Variants in CAMTA1 observed in about 807,000 individuals in gnomAD.
The protein encoded by CAMTA1 is calmodulin binding transcription activator 1, also known as calmodulin-binding transcription activator 1.
CAMTA1 carries 27 observed loss-of-function variants against 170.9 expected under a neutral mutation model. The observed-to-expected ratio is 0.16, with a 90% CI of 0.12 to 0.22. The LOEUF is 0.22. CAMTA1 is among the 10% of genes least tolerant of loss of function. The probability of loss-of-function intolerance (pLI) is 1.00; values close to 1 mark genes in which losing one functional copy is unlikely to be tolerated. For synonymous variants in CAMTA1, 833 were observed against 891.5 expected, an observed-to-expected ratio of 0.93 and a Z score of 1.17; for missense variants, 1,619 against 2,217.2, an observed-to-expected ratio of 0.73 and a Z score of 5.42.
At chr1:6,879,832 GC>G (rs1244981239) in intron 3 of CAMTA1, among the ~76,000 whole-genome samples, 1 of 139,614 alleles carries the variant, frequency 7.2e-6, no homozygotes, top group Non-Finnish European at 1.5e-5. Context: ...AGTCTCTGTT[GC>G]CCAGGCTGAT....
At position 7,682,004 on chromosome 1, in the gene CAMTA1, G is replaced by A. The variant is rs1433875110; in HGVS notation, c.2914+4271G>A. Among the ~76,000 whole-genome samples, 1 of 131,338 alleles carries A rather than the reference G, an allele frequency of 7.6e-6. No individual in the cohort carries two copies. The highest frequency in any genetic ancestry group is 1.6e-5 in the Non-Finnish European group (1 of 62,908). 86.2% of individuals were successfully genotyped at this position (131,338 alleles called of 152,430 possible). A position where few individuals can be genotyped will look rare whatever the true frequency, so the allele number is the denominator to read the frequency against. ...TACCCTGTCCCCACCCCCACCTGCC[G>A]GCCCTTCTTGGAACCCCACTAAGCC... On this transcript the variant is annotated intron_variant, in intron 11 of 22. Coordinates refer to ENST00000303635, the MANE Select transcript of CAMTA1 (RefSeq NM_015215.4). The surrounding 1 kb of genome is among the most constrained non-coding windows in gnomAD (Gnocchi z 5.0).
chr1:7,343,269 T>C (rs536984730), intron 5 of CAMTA1, among the ~76,000 whole-genome samples: 1 of 152,288 alleles, frequency 6.6e-6, no homozygotes, highest in South Asian at 2.1e-4. Context: ...GTTGCCTTTA[T>C]GGTGTGAGTT....
At chr1:6,902,834 C>T (rs1478040571) in intron 3 of CAMTA1, among the ~76,000 whole-genome samples, 2 of 152,188 alleles carry the variant, frequency 1.3e-5, no homozygotes, top group Non-Finnish European at 2.9e-5. Context: ...GATTGTGGAA[C>T]AACTGCAACT....
chr1:7,459,431 C>G (rs1356770514), intron 5 of CAMTA1, among the ~76,000 whole-genome samples: 2 of 152,204 alleles, frequency 1.3e-5, no homozygotes, highest in East Asian at 3.9e-4. Context: ...CCTCCTGTGC[C>G]TTGCTGTACC....
intron 6 of CAMTA1, among the ~76,000 whole-genome samples, chr1:7,524,967 C>CTCAT (rs993610509): frequency 3.9e-5 from 6 of 152,292 alleles, no homozygotes; most frequent in Non-Finnish European, 7.4e-5. Context: ...CACATATCCA[C>CTCAT]TCATTCATTC....
chr1:7,398,448 G>T (rs1180104947), intron 5 of CAMTA1, among the ~76,000 whole-genome samples: 1 of 151,272 alleles, frequency 6.6e-6, no homozygotes, highest in African/African-American at 2.4e-5. Flanking sequence ...TTTTCCATCT[G>T]CATGGAATAT....
intron 6 of CAMTA1, among the ~76,000 whole-genome samples, chr1:7,563,930 C>T (rs550811304): frequency 1.3e-4 from 20 of 151,888 alleles, no homozygotes; most frequent in Non-Finnish European, 2.6e-4. Context: ...TGGGGGTAAG[C>T]GCTGCAGAGG....
intron 6 of CAMTA1, among the ~76,000 whole-genome samples, chr1:7,485,682 G>A (rs1423379577): frequency 2.6e-5 from 4 of 152,166 alleles, no homozygotes; most frequent in Non-Finnish European, 5.9e-5. Context: ...TCCCCACCAG[G>A]CGAGGCAGGA....
chr1:6,902,072 C>CACACACAA (rs3986505), intron 3 of CAMTA1, among the ~76,000 whole-genome samples: 232 of 88,410 alleles, frequency 2.6e-3, no homozygotes, highest in Middle Eastern at 0.013. Flanking sequence ...CACACACACA[C>CACACACAA]AAAAAAAAAA....
Position 6,918,296 on chromosome 1 carries a change from T to C in CAMTA1, c.234+93086T>C, listed in dbSNP as rs186656674. 6.2e-4 allele frequency among the ~76,000 whole-genome samples: 95 copies of C among 152,300 alleles called. No homozygotes were observed. Among genetic ancestry groups the C allele is most frequent in the African/African-American group, 2.2e-3 (92 of 41,572 alleles). On this transcript the variant is annotated intron_variant, in intron 3 of 22. Transcript: ENST00000303635. This position sits in a 1 kb window ranked among gnomAD's most constrained non-coding sequence, Gnocchi z 4.0. ...TAATATTTTTTTAATCTAAAAGAAC[T>C]TTACATTTATGCTTGACTGAAGCAC...
intron 6 of CAMTA1, among the ~76,000 whole-genome samples, chr1:7,469,682 C>A (rs1414502629): frequency 6.6e-6 from 1 of 152,226 alleles, no homozygotes; most frequent in Non-Finnish European, 1.5e-5. Flanking sequence ...CTCCTCCAGG[C>A]CTTTTCTCCT....
intron 6 of CAMTA1, among the ~76,000 whole-genome samples, chr1:7,541,737 G>A (rs553957149): frequency 7.9e-5 from 12 of 152,324 alleles, no homozygotes; most frequent in African/African-American, 2.6e-4. Context: ...GTGGTCACGT[G>A]ATTAACTTTC....
chr1:7,374,872 C>T (rs920307343), intron 5 of CAMTA1, among the ~76,000 whole-genome samples: 10 of 152,216 alleles, frequency 6.6e-5, no homozygotes, highest in East Asian at 1.9e-4. Context: ...CAGAGCTAGT[C>T]GGCAGCGGGA....
In CAMTA1 at chr1:7,416,379, C is replaced by T. The variant is rs1001173275; in HGVS notation, c.439-51451C>T. ...TTTTCCAACTTGGTTCCATTCTCCC[C>T]GTCACTTTCAGGCACACCAATCAGA... is the stretch of plus-strand genomic sequence containing the variant. On this transcript the variant is annotated intron_variant, in intron 5 of 22. Transcript: ENST00000303635. Among the ~76,000 whole-genome samples, 13 of 152,284 alleles carry T rather than the reference C, an allele frequency of 8.5e-5. 1 individual carries two copies. In the South Asian group the frequency reaches 1.0e-3, roughly 12 times the overall value.
At chr1:7,086,114 C>T (rs1640706345) in intron 3 of CAMTA1, among the ~76,000 whole-genome samples, 1 of 152,106 alleles carries the variant, frequency 6.6e-6, no homozygotes, top group South Asian at 2.1e-4. Context: ...CATACCTTGG[C>T]GGCCGTTTTT....
chr1:7,335,815 G>A (rs1222602564), intron 5 of CAMTA1, among the ~76,000 whole-genome samples: 1 of 151,694 alleles, frequency 6.6e-6, no homozygotes, highest in Non-Finnish European at 1.5e-5. Context: ...CTGCAACCTT[G>A]GTATTTGAAA....
chr1:7,030,550 A>G (rs992447685), intron 3 of CAMTA1, among the ~76,000 whole-genome samples: 1 of 152,278 alleles, frequency 6.6e-6, no homozygotes, highest in Admixed American at 6.5e-5. Context: ...CATTGGCAAC[A>G]AATATGGTCA....
At chr1:7,593,233 C>T (rs376449899) in intron 6 of CAMTA1, among the ~76,000 whole-genome samples, 1 of 152,168 alleles carries the variant, frequency 6.6e-6, no homozygotes, top group East Asian at 1.9e-4. Context: ...GGTCCTAGGT[C>T]TCACTTATGC....
At chr1:6,824,511 A>G (rs138578685) in intron 2 of CAMTA1, among the ~76,000 whole-genome samples, 88 of 152,302 alleles carry the variant, frequency 5.8e-4, no homozygotes, top group African/African-American at 2.1e-3. Context: ...GTTAATTAAA[A>G]TGATGATTTT....
Sources: allele counts gnomAD v4.1 joint callset (sites outside exome capture counted in the v4.1 genomes callset), GRCh38; gene constraint gnomAD v4.1.1; non-coding constraint Gnocchi (gnomAD v3.1); transcripts MANE v1.5; gene names NCBI Gene and HGNC (gene_info 2026-07-23, HGNC 2026-07-21).